Variants in C10orf90 observed in about 807,000 individuals in gnomAD.
The protein encoded by C10orf90 is chromosome 10 open reading frame 90.
In C10orf90, 56 loss-of-function variants were observed where a neutral mutation model predicts 62.5. The observed-to-expected ratio is 0.90, with a 90% CI of 0.72 to 1.12. The LOEUF (loss-of-function observed/expected upper bound fraction) is 1.12. C10orf90 is among the 50% of genes most tolerant of loss of function. The pLI is 0.00. For missense variants in C10orf90, 970 were observed against 880.4 expected (o/e 1.10, Z -1.29); for synonymous variants, 386 against 340.4 (o/e 1.13, Z -1.47).
chr10:126,663,098 ACCT>A (rs1564915040), intron 1 of C10orf90, among the ~76,000 whole-genome samples: 1 of 152,172 alleles, frequency 6.6e-6, no homozygotes, highest in Non-Finnish European at 1.5e-5. Context: ...GAGGAAGAGG[ACCT>A]AGAGTGGCAA....
At chr10:126,539,899 T>C (rs1864334230) in intron 2 of C10orf90, among the ~76,000 whole-genome samples, 2 of 152,296 alleles carry the variant, frequency 1.3e-5, no homozygotes, top group South Asian at 2.1e-4. Flanking sequence ...CACAGAAAGA[T>C]TGCAAAGAAA....
At chr10:126,644,953 T>C (rs907768310) in intron 2 of C10orf90, among the ~76,000 whole-genome samples, 3 of 152,290 alleles carry the variant, frequency 2.0e-5, no homozygotes, top group African/African-American at 7.2e-5. Context: ...TGGGCTAAGT[T>C]TTCAAAGAGT....
intron 2 of C10orf90, among the ~76,000 whole-genome samples, chr10:126,584,167 A>T (rs2134019229): frequency 6.6e-6 from 1 of 152,238 alleles, no homozygotes; most frequent in Non-Finnish European, 1.5e-5. Flanking sequence ...CTCAGCAGCA[A>T]CACAAATGAT....
At chr10:126,601,045 A>G (rs1845188760) in intron 2 of C10orf90, among the ~76,000 whole-genome samples, 1 of 152,252 alleles carries the variant, frequency 6.6e-6, no homozygotes, top group South Asian at 2.1e-4. Flanking sequence ...GTCATTTGCT[A>G]CAACACAGAC....
chr10:126,665,101 G>T (rs1846599622), intron 1 of C10orf90, among the ~76,000 whole-genome samples: 1 of 152,298 alleles, frequency 6.6e-6, no homozygotes, highest in East Asian at 1.9e-4. Context: ...GGGGCTCCCA[G>T]CCTGTTGGCA....
At chr10:126,545,146 G>A (rs1317681484) in intron 2 of C10orf90, among the ~76,000 whole-genome samples, 6 of 152,058 alleles carry the variant, frequency 3.9e-5, no homozygotes, top group Admixed American at 1.3e-4. Flanking sequence ...ACCCTTGTTC[G>A]ATCTCTGTTT....
At chr10:126,428,139 G>A (rs764876846) in intron 8 of C10orf90, among the ~76,000 whole-genome samples, 98 of 152,120 alleles carry the variant, frequency 6.4e-4, no homozygotes, top group Non-Finnish European at 1.0e-3. Context: ...GCAAGCTACC[G>A]AGAGATAGTG....
chr10:126,584,149 G>C (rs960707179), intron 2 of C10orf90, among the ~76,000 whole-genome samples: 15 of 148,872 alleles, frequency 1.0e-4, no homozygotes, highest in African/African-American at 3.7e-4. Flanking sequence ...TGACTTGAAG[G>C]GGAAACTCTC....
chr10:126,586,995 A>G (rs1289830872), intron 2 of C10orf90, among the ~76,000 whole-genome samples: 1 of 151,420 alleles, frequency 6.6e-6, no homozygotes, highest in Non-Finnish European at 1.5e-5. Flanking sequence ...AGAGCGTCAG[A>G]ACAAACCATC....
At chr10:126,446,152 G>A (rs1020597639) in intron 7 of C10orf90, among the ~76,000 whole-genome samples, 33 of 151,692 alleles carry the variant, frequency 2.2e-4, no homozygotes, top group Admixed American at 3.9e-4. Context: ...AATAACCTGT[G>A]GAAAAATAAA....
chr10:126,581,907 G>A (rs1374029248), intron 2 of C10orf90, among the ~76,000 whole-genome samples: 2 of 152,234 alleles, frequency 1.3e-5, no homozygotes, highest in Non-Finnish European at 2.9e-5. Context: ...CTGCTGCACA[G>A]TGGCAGCATC....
At chr10:126,515,829 G>A (rs1488461492) in intron 2 of C10orf90, among the ~76,000 whole-genome samples, 2 of 152,206 alleles carry the variant, frequency 1.3e-5, no homozygotes, top group Non-Finnish European at 2.9e-5. Context: ...TTGTCCTTGG[G>A]TGACAGTGAG....
At chr10:126,517,206 C>T (rs1041945177) in intron 2 of C10orf90, among the ~76,000 whole-genome samples, 1 of 152,018 alleles carries the variant, frequency 6.6e-6, no homozygotes, top group Admixed American at 6.6e-5. Context: ...AATATAAAGT[C>T]TACATAGCAA....
At chr10:126,431,888 T>A (rs1460000984) in intron 7 of C10orf90, among the ~76,000 whole-genome samples, 1 of 152,176 alleles carries the variant, frequency 6.6e-6, no homozygotes, top group Non-Finnish European at 1.5e-5. Flanking sequence ...GTGAGCTCTC[T>A]GACACCTCCA....
chr10:126,592,924 A>G (rs1845009671), intron 2 of C10orf90, among the ~76,000 whole-genome samples: 1 of 152,240 alleles, frequency 6.6e-6, no homozygotes, highest in South Asian at 2.1e-4. Flanking sequence ...GCAGCCAACA[A>G]ACACATGAAA....
chr10:126,485,501 T>G (rs1186383841), intron 4 of C10orf90, among the ~76,000 whole-genome samples: 1 of 152,204 alleles, frequency 6.6e-6, no homozygotes, highest in Non-Finnish European at 1.5e-5. Context: ...GAATTTAATT[T>G]TTTTAAAAGA....
chr10:126,464,837 G>C lies in C10orf90; in HGVS notation c.1684C>G (p.Leu562Val). The change falls in exon 5 of 10, where the codon CTT becomes GTT. Residue 562 changes from leucine to valine, a missense_variant. Coordinates refer to ENST00000488181, the MANE Select transcript of C10orf90 (RefSeq NM_001350921.2). ...SPSDDCLSRD[L>V]SEPTERRHQS... ...TGTCGTCTCTCTGTGGGCTCAGAAA[G>C]GTCTCTAGACAGACAGTCATCGCTT... The C allele has an allele frequency of 6.2e-7, 1 of 1,614,124 alleles. No individual in the cohort carries two copies. The highest frequency in any genetic ancestry group is 8.5e-7 in the Non-Finnish European group (1 of 1,180,042).
intron 2 of C10orf90, among the ~76,000 whole-genome samples, chr10:126,606,624 C>T (rs1017604796): frequency 2.0e-5 from 3 of 152,160 alleles, no homozygotes; most frequent in Non-Finnish European, 2.9e-5. Flanking sequence ...CTTTGAGCAG[C>T]TCTGATGATT....
chr10:126,443,023 A>C (rs1858500394), intron 7 of C10orf90, among the ~76,000 whole-genome samples: 1 of 152,064 alleles, frequency 6.6e-6, no homozygotes, highest in Non-Finnish European at 1.5e-5. Flanking sequence ...TGCTAAGAGG[A>C]AAGTTCATAG....
Sources: gnomAD v4.1 joint callset for allele counts (sites outside exome capture counted in the v4.1 genomes callset) on GRCh38, gnomAD v4.1.1 for gene constraint, MANE v1.5 for transcripts, NCBI Gene and HGNC (gene_info 2026-07-23, HGNC 2026-07-21) for gene names.